NPSR1: variants seen among roughly 807,000 people sequenced by gnomAD.
NPSR1 encodes neuropeptide S receptor.
In NPSR1, 48 loss-of-function variants were observed where a neutral mutation model predicts 46.9. That is an observed-to-expected ratio of 1.02 (90% confidence interval 0.81 to 1.30). The LOEUF (loss-of-function observed/expected upper bound fraction) is 1.30. NPSR1 is among the 50% of genes most tolerant of loss of function. NPSR1 has a pLI of 0.00. For missense variants in NPSR1, 450 were observed against 449.5 expected (o/e 1.00, Z -0.01); for synonymous variants, 176 against 168.1 (o/e 1.05, Z -0.36).
downstream of NPSR1, among the ~76,000 whole-genome samples, chr7:34,853,783 G>A (rs559099463): frequency 6.6e-6 from 1 of 152,140 alleles, no homozygotes; most frequent in Non-Finnish European, 1.5e-5. Context: ...CAGTCAATAT[G>A]GTGAAAACCC....
chr7:34,690,246 G>A (rs1793180245), intron 2 of NPSR1, among the ~76,000 whole-genome samples: 1 of 151,374 alleles, frequency 6.6e-6, no homozygotes, highest in Admixed American at 6.6e-5. Context: ...GAGGAAAAAA[G>A]TCACATCCAA....
At chr7:34,860,572 T>C (rs1234266308) in intron 8 of NPSR1, among the ~76,000 whole-genome samples, 1 of 151,902 alleles carries the variant, frequency 6.6e-6, no homozygotes, top group East Asian at 1.9e-4. Flanking sequence ...CAGATTTTCA[T>C]ATCTTCTGCA....
chr7:34,831,136 G>A (rs1437132472), intron 5 of NPSR1, among the ~76,000 whole-genome samples: 1 of 152,178 alleles, frequency 6.6e-6, no homozygotes, highest in Non-Finnish European at 1.5e-5. Flanking sequence ...TCTCATGAGT[G>A]CAGGGACTGT....
intron 2 of NPSR1, among the ~76,000 whole-genome samples, chr7:34,728,234 C>T (rs1784256671): frequency 6.6e-6 from 1 of 152,126 alleles, no homozygotes; most frequent in Non-Finnish European, 1.5e-5. Context: ...TCTCAACCCC[C>T]AAACCAAGAG....
At position 34,860,024 on chromosome 7, in the gene NPSR1, C is replaced by T. The variant is rs75603058; in HGVS notation, c.1025+11361C>T. On this transcript the variant is annotated intron_variant, in intron 8 of 8. Coordinates refer to the NPSR1 transcript ENST00000359791. ...CTTCTTCTAACCATCTAGATATCTG[C>T]TAGTAAAACTCAAGACATCTCTAAT... Among the ~76,000 whole-genome samples, 347 of 151,942 alleles carry T rather than the reference C, an allele frequency of 2.3e-3. 2 individuals are homozygous for T. Among genetic ancestry groups the T allele is most frequent in the Admixed American group, 5.1e-3 (78 of 15,294 alleles).
chr7:34,773,117 T>C (rs1159074116), intron 2 of NPSR1, among the ~76,000 whole-genome samples: 1 of 152,110 alleles, frequency 6.6e-6, no homozygotes, highest in Non-Finnish European at 1.5e-5. Context: ...ACTTAGGCCA[T>C]TTCTTCCTGT....
chr7:34,795,511 A>T (rs1351523106), intron 3 of NPSR1, among the ~76,000 whole-genome samples: 2 of 152,142 alleles, frequency 1.3e-5, no homozygotes, highest in African/African-American at 4.8e-5. Context: ...AGACAATCTA[A>T]AATAATTAAC....
At chr7:34,762,576 A>T (rs1019078087) in intron 2 of NPSR1, among the ~76,000 whole-genome samples, 2 of 152,310 alleles carry the variant, frequency 1.3e-5, no homozygotes, top group Non-Finnish European at 1.5e-5. Context: ...GACCTTTATC[A>T]ATATCAAAAA....
At chr7:34,662,391 A>G (rs932394394) in intron 1 of NPSR1, among the ~76,000 whole-genome samples, 14 of 138,888 alleles carry the variant, frequency 1.0e-4, no homozygotes, top group African/African-American at 4.2e-4. Flanking sequence ...ACAAAAGCAA[A>G]TTTCAACTCA....
intron 8 of NPSR1, among the ~76,000 whole-genome samples, chr7:34,877,122 A>G (rs906100076): frequency 6.6e-6 from 1 of 152,204 alleles, no homozygotes. Flanking sequence ...CACCAAGATG[A>G]CAATCATTCT....
chr7:34,846,645 A>C (rs1262926940), intron 7 of NPSR1, among the ~76,000 whole-genome samples: 1 of 152,176 alleles, frequency 6.6e-6, no homozygotes, highest in African/African-American at 2.4e-5. Flanking sequence ...ATACAGGTGT[A>C]TTTTCATGGA....
chr7:34,799,205 C>T (rs1190060764), intron 3 of NPSR1, among the ~76,000 whole-genome samples: 4 of 151,884 alleles, frequency 2.6e-5, no homozygotes, highest in South Asian at 2.1e-4. Context: ...AGCCATTCCA[C>T]ATGTATACAT....
intron 2 of NPSR1, among the ~76,000 whole-genome samples, chr7:34,762,709 A>T (rs1786234769): frequency 6.6e-6 from 1 of 152,238 alleles, no homozygotes; most frequent in African/African-American, 2.4e-5. Flanking sequence ...CACAGTTGAT[A>T]TTGTTACCCA....
intron 3 of NPSR1, among the ~76,000 whole-genome samples, chr7:34,799,620 A>T (rs1788374660): frequency 6.6e-6 from 1 of 150,400 alleles, no homozygotes; most frequent in African/African-American, 2.4e-5. Context: ...CCATGACAAA[A>T]TGTAAAGACC....
At chr7:34,710,161 T>G (rs1303712196) in intron 2 of NPSR1, among the ~76,000 whole-genome samples, 1 of 152,188 alleles carries the variant, frequency 6.6e-6, no homozygotes, top group Non-Finnish European at 1.5e-5. Flanking sequence ...AGTCTCAAAT[T>G]GCTGTATCCA....
intron 3 of NPSR1, among the ~76,000 whole-genome samples, chr7:34,788,895 A>C (rs1177652296): frequency 3.9e-5 from 6 of 152,076 alleles, no homozygotes; most frequent in African/African-American, 1.2e-4. Flanking sequence ...CAGGATAATC[A>C]TAGAGTAAGC....
At chr7:34,843,823 A>C (rs1485098108) in intron 6 of NPSR1, among the ~76,000 whole-genome samples, 3 of 152,232 alleles carry the variant, frequency 2.0e-5, no homozygotes, top group African/African-American at 7.2e-5. Context: ...TTTCTAGTGC[A>C]CAGCTGCCCT....
At chr7:34,663,041 TTCTCTC>T (rs376420280) in intron 1 of NPSR1, among the ~76,000 whole-genome samples, 4 of 108,278 alleles carry the variant, frequency 3.7e-5, no homozygotes, top group Admixed American at 1.9e-4. Flanking sequence ...TGTAGTGCAT[TTCTCTC>T]TCTCTCTCTC....
intron 2 of NPSR1, among the ~76,000 whole-genome samples, chr7:34,730,260 G>C (rs556189479): frequency 6.6e-6 from 1 of 152,164 alleles, no homozygotes; most frequent in South Asian, 2.1e-4. Flanking sequence ...CATTTGAAAT[G>C]AATAGAGAAA....
Sources: gnomAD v4.1 joint callset for allele counts (sites outside exome capture counted in the v4.1 genomes callset) on GRCh38, gnomAD v4.1.1 for gene constraint, MANE v1.5 for transcripts, NCBI Gene and HGNC (gene_info 2026-07-23, HGNC 2026-07-21) for gene names.